Variants in SLC9A9 observed in about 807,000 individuals in gnomAD.
SLC9A9 encodes sodium/hydrogen exchanger 9.
A neutral mutation model predicts 77.8 loss-of-function variants in SLC9A9; 62 were observed. The ratio of observed to expected loss-of-function variants is 0.80; its 90% CI spans 0.65 to 0.98. The LOEUF (loss-of-function observed/expected upper bound fraction) is 0.98, where lower values mean the gene tolerates loss of function less well. Among genes scored for constraint, SLC9A9 ranks in the 50% least tolerant of loss-of-function variants. SLC9A9 has a pLI of 0.00. For missense variants in SLC9A9, 775 were observed against 774.9 expected, an observed-to-expected ratio of 1.00 and a Z score of 0.00; for synonymous variants, 320 against 283.5, an observed-to-expected ratio of 1.13 and a Z score of -1.29.
At chr3:143,399,812 G>A (rs1421230359) in intron 12 of SLC9A9, among the ~76,000 whole-genome samples, 1 of 152,096 alleles carries the variant, frequency 6.6e-6, no homozygotes, top group African/African-American at 2.4e-5. Flanking sequence ...CATCCTAAAA[G>A]CAGGGCAGGT....
chr3:143,620,966 A>G (rs866084353), intron 6 of SLC9A9, among the ~76,000 whole-genome samples: 2 of 152,194 alleles, frequency 1.3e-5, no homozygotes, highest in African/African-American at 4.8e-5. Flanking sequence ...CCAGGAGATT[A>G]TATCCCGCGC....
Position 143,754,117 on chromosome 3 carries a change from G to A in SLC9A9, c.533+40884C>T, listed in dbSNP as rs76260596. Among the ~76,000 whole-genome samples the A allele has an allele frequency of 7.7e-3, 1,170 of 152,266 alleles. 9 individuals are homozygous for A. Among genetic ancestry groups the A allele is most frequent in the African/African-American group, 0.027 (1,102 of 41,554 alleles). On this transcript the variant is annotated intron_variant, in intron 4 of 15. Coordinates refer to ENST00000316549, the MANE Select transcript of SLC9A9 (RefSeq NM_173653.4). ...TAAGAGACTCTCCAGACAAAGGTAT[G>A]GAGAAGAGACAACCAGCTGGTGTGA...
chr3:143,596,868 C>A (rs529305283), intron 6 of SLC9A9, among the ~76,000 whole-genome samples: 1 of 152,062 alleles, frequency 6.6e-6, no homozygotes, highest in Admixed American at 6.6e-5. Context: ...CACTTTGTTG[C>A]CCAGGCTGGT....
chr3:143,660,683 G>C (rs2038964401), intron 5 of SLC9A9, among the ~76,000 whole-genome samples: 1 of 152,126 alleles, frequency 6.6e-6, no homozygotes. Flanking sequence ...CTTACAATAA[G>C]AACGACAAAA....
intron 6 of SLC9A9, among the ~76,000 whole-genome samples, chr3:143,582,235 T>C (rs1186379439): frequency 6.6e-6 from 1 of 152,220 alleles, no homozygotes; most frequent in East Asian, 1.9e-4. Flanking sequence ...ATTGGCTATA[T>C]GGCCTTGGGC....
intron 4 of SLC9A9, among the ~76,000 whole-genome samples, chr3:143,765,548 T>A (rs116740074): frequency 3.9e-4 from 59 of 152,336 alleles, no homozygotes; most frequent in African/African-American, 1.4e-3. Flanking sequence ...ATACTAGTTG[T>A]TCTTTATTGC....
At chr3:143,551,187 C>T (rs1188009537) in intron 9 of SLC9A9, among the ~76,000 whole-genome samples, 1 of 152,138 alleles carries the variant, frequency 6.6e-6, no homozygotes, top group East Asian at 1.9e-4. Context: ...CAGAAATCTT[C>T]CAGAGGCTAA....
intron 12 of SLC9A9, among the ~76,000 whole-genome samples, chr3:143,434,361 GA>G (rs748411050): frequency 2.0e-5 from 3 of 151,622 alleles, no homozygotes; most frequent in African/African-American, 7.3e-5. Context: ...GGGGCAGAAG[GA>G]AAAAAAAGAA....
intron 9 of SLC9A9, among the ~76,000 whole-genome samples, chr3:143,529,852 C>A (rs1418072457): frequency 6.6e-6 from 1 of 152,004 alleles, no homozygotes; most frequent in Admixed American, 6.6e-5. Context: ...GTAAATTTAG[C>A]AAATAAAAAG....
At chr3:143,462,039 A>G (rs182535645) in intron 12 of SLC9A9, among the ~76,000 whole-genome samples, 285 of 152,300 alleles carry the variant, frequency 1.9e-3, no homozygotes, top group Middle Eastern at 3.4e-3. Context: ...GCTTTTGGTC[A>G]TAAACCAAAA....
At chr3:143,539,583 T>C (rs112366402) in intron 9 of SLC9A9, among the ~76,000 whole-genome samples, 2,177 of 152,274 alleles carry the variant, frequency 0.014, 56 homozygotes, top group African/African-American at 0.049. Flanking sequence ...AATGCCATTA[T>C]GAGACTGAAG....
chr3:143,295,445 T>G (rs1471572175), intron 14 of SLC9A9, among the ~76,000 whole-genome samples: 1 of 152,224 alleles, frequency 6.6e-6, no homozygotes, highest in African/African-American at 2.4e-5. Flanking sequence ...GTCTATGATC[T>G]TGGGCTAGCG....
chr3:143,650,650 C>T (rs1250777164), intron 6 of SLC9A9, among the ~76,000 whole-genome samples: 7 of 152,136 alleles, frequency 4.6e-5, no homozygotes, highest in East Asian at 3.8e-4. Flanking sequence ...GATCACTGTA[C>T]GATACCAGAA....
chr3:143,824,089 A>T (rs771046096), intron 2 of SLC9A9, among the ~76,000 whole-genome samples: 9 of 152,206 alleles, frequency 5.9e-5, no homozygotes, highest in Admixed American at 1.3e-4. Context: ...CAAGCTTTCA[A>T]AAGTGGCCAT....
intron 12 of SLC9A9, among the ~76,000 whole-genome samples, chr3:143,396,130 C>G (rs1401051207): frequency 2.6e-5 from 4 of 152,158 alleles, no homozygotes; most frequent in Non-Finnish European, 5.9e-5. Flanking sequence ...AATCATGCTA[C>G]TATAAAGACA....
chr3:143,404,082 C>T (rs2108514177), intron 12 of SLC9A9, among the ~76,000 whole-genome samples: 1 of 151,124 alleles, frequency 6.6e-6, no homozygotes, highest in East Asian at 1.9e-4. Flanking sequence ...CTTTTTCTAG[C>T]TCAAATATAT....
Position 143,722,472 on chromosome 3 carries a change from C to CAAAAAAAAAA in SLC9A9, c.534-29175_534-29166dup, listed in dbSNP as rs60995925. Among the ~76,000 whole-genome samples, 11 of 58,336 alleles carry CAAAAAAAAAA rather than the reference C, an allele frequency of 1.9e-4. 1 individual carries two copies. The highest frequency in any genetic ancestry group is 1.6e-3 in the East Asian group (2 of 1,222). The allele number at this position is 58,336 out of a possible 152,430, so 38.3% of individuals were successfully genotyped here. On this transcript the variant is annotated intron_variant, in intron 4 of 15. Transcript: ENST00000316549. The stretch of plus-strand genomic sequence containing the variant: ...TGGGCGACAGAGCGAGACTCCATCT[C>CAAAAAAAAAA]AAAAAAAAAAAAAAAAAAAAAAAGT...
At chr3:143,522,963 C>A (rs1330582929) in intron 9 of SLC9A9, among the ~76,000 whole-genome samples, 2 of 152,146 alleles carry the variant, frequency 1.3e-5, no homozygotes, top group East Asian at 1.9e-4. Context: ...CCATTACATG[C>A]ACCTCCTGAT....
chr3:143,801,579 C>G lies in SLC9A9; in HGVS notation c.379-4676G>C, dbSNP rs998991995. On this transcript the variant is annotated intron_variant, in intron 2 of 15. Coordinates refer to ENST00000316549, the MANE Select transcript of SLC9A9 (RefSeq NM_173653.4). Reference sequence around the variant, plus strand: ...CCCATGACTGTATCTCTCTGATCCACCTGACATACACCCCATTTCCCCATG... The same window carrying G: ...CCCATGACTGTATCTCTCTGATCCAGCTGACATACACCCCATTTCCCCATG... Among the ~76,000 whole-genome samples the G allele has an allele frequency of 2.0e-5, 3 of 152,282 alleles. No individual in the cohort carries two copies. The South Asian group carries it at 6.2e-4, about 32-fold the overall frequency.
Sources: allele counts gnomAD v4.1 joint callset (sites outside exome capture counted in the v4.1 genomes callset), GRCh38; gene constraint gnomAD v4.1.1; transcripts MANE v1.5; gene names NCBI Gene and HGNC (gene_info 2026-07-23, HGNC 2026-07-21).